Variants in PRKN observed in about 807,000 individuals in gnomAD.
PRKN encodes parkin RBR E3 ubiquitin protein ligase, also known as E3 ubiquitin-protein ligase parkin.
In PRKN, 56 loss-of-function variants were observed where a neutral mutation model predicts 59.5. The observed-to-expected ratio is 0.94, with a 90% CI of 0.76 to 1.18. The LOEUF (loss-of-function observed/expected upper bound fraction) is 1.18, where lower values mean the gene tolerates loss of function less well. Among genes scored for constraint, PRKN ranks in the 50% most tolerant of loss-of-function variants. The pLI is 0.00. For synonymous variants in PRKN, 250 were observed against 222.1 expected (o/e 1.13, Z -1.12); for missense variants, 657 against 596.4 (o/e 1.10, Z -1.06).
rs184792624 is a variant in PRKN, at chr6:161,388,872, C to T, written c.1084-1995G>A. On this transcript the variant is annotated intron_variant, in intron 9 of 11. Transcript: ENST00000366898. This position sits in a 1 kb window ranked among gnomAD's most constrained non-coding sequence, Gnocchi z 4.3. ...CAACTTGCCAGCTATGTGACTGGGT[C>T]ATATTCCAAGTAGACTGTTGTTATT... Among the ~76,000 whole-genome samples the T allele has an allele frequency of 3.3e-5, 5 of 152,326 alleles. No homozygotes were observed. The highest frequency in any genetic ancestry group is 1.2e-4 in the African/African-American group (5 of 41,574).
intron 2 of PRKN, among the ~76,000 whole-genome samples, chr6:162,345,503 T>A (rs924454482): frequency 6.6e-6 from 1 of 152,218 alleles, no homozygotes; most frequent in African/African-American, 2.4e-5. Context: ...GGAATATCTT[T>A]CCATTTACTG....
Position 162,339,356 on chromosome 6 carries a change from G to A in PRKN, c.172-76591C>T, listed in dbSNP as rs1331131422. 5.9e-3 allele frequency among the ~76,000 whole-genome samples: 824 copies of A among 139,878 alleles called. 13 individuals carry two copies. The highest frequency in any genetic ancestry group is 0.022 in the African/African-American group (786 of 36,478). 91.8% of individuals were successfully genotyped at this position (139,878 alleles called of 152,430 possible). A position where few individuals can be genotyped will look rare whatever the true frequency, so the allele number is the denominator to read the frequency against. ...GAGGGAGGTGGGGGGGTCAGCCCCC[G>A]CCCGGCCAGCCGCCCCGTCCGGGAG... On this transcript the variant is annotated intron_variant, in intron 2 of 11. Transcript: ENST00000366898.
intron 2 of PRKN, among the ~76,000 whole-genome samples, chr6:162,419,285 C>A (rs78162852): frequency 6.6e-6 from 1 of 151,974 alleles, no homozygotes; most frequent in African/African-American, 2.4e-5. Context: ...TCTTCCTCAA[C>A]AAAAGGCTGG....
chr6:161,765,408 T>C (rs1789382696), intron 7 of PRKN, among the ~76,000 whole-genome samples: 1 of 152,236 alleles, frequency 6.6e-6, no homozygotes, highest in Admixed American at 6.5e-5. Context: ...TGATTTATTT[T>C]TATTTTTGGA....
At chr6:161,661,811 T>C (rs145140440) in intron 7 of PRKN, among the ~76,000 whole-genome samples, 1,714 of 152,220 alleles carry the variant, frequency 0.011, 16 homozygotes, top group South Asian at 0.023. Context: ...TCACCTGAGG[T>C]CAGGAGTTTA....
chr6:162,235,882 A>C (rs1778637970), intron 3 of PRKN, among the ~76,000 whole-genome samples: 1 of 149,624 alleles, frequency 6.7e-6, no homozygotes, highest in South Asian at 2.1e-4. Context: ...AAAGAAAGAG[A>C]GAGAAAGAAA....
At chr6:162,380,284 T>G (rs1463592461) in intron 2 of PRKN, among the ~76,000 whole-genome samples, 1 of 151,676 alleles carries the variant, frequency 6.6e-6, no homozygotes, top group Non-Finnish European at 1.5e-5. Context: ...AGAAGAGATT[T>G]CTCAAAGGAA....
Position 162,703,451 on chromosome 6 carries a change from T to C in PRKN, c.7+24211A>G, listed in dbSNP as rs555456382. Among the ~76,000 whole-genome samples the C allele has an allele frequency of 6.6e-5, 10 of 152,336 alleles. No individual in the cohort carries two copies. In the South Asian group the frequency reaches 2.1e-3, roughly 32 times the overall value. ...TAAAACCAAAACAGATTGATATTTC[T>C]AAACACCTGGAATTGAGAAAACTGA... On this transcript the variant is annotated intron_variant, in intron 1 of 11. Coordinates refer to ENST00000366898, the MANE Select transcript of PRKN (RefSeq NM_004562.3).
chr6:162,269,852 T>TA (rs1050302510), intron 2 of PRKN, among the ~76,000 whole-genome samples: 6 of 152,092 alleles, frequency 3.9e-5, no homozygotes, highest in African/African-American at 1.2e-4. Flanking sequence ...GTGGCCATAA[T>TA]AAAAAAATCG....
intron 7 of PRKN, among the ~76,000 whole-genome samples, chr6:161,673,318 G>T (rs1326462062): frequency 6.6e-6 from 1 of 152,196 alleles, no homozygotes; most frequent in Non-Finnish European, 1.5e-5. Context: ...CCTCAGAGAA[G>T]ACCACTGATG....
intron 7 of PRKN, among the ~76,000 whole-genome samples, chr6:161,640,943 A>C (rs2128158385): frequency 6.6e-6 from 1 of 152,348 alleles, no homozygotes; most frequent in East Asian, 1.9e-4. Context: ...GCTCAGCAAG[A>C]AGGCTGGAAA....
intron 4 of PRKN, among the ~76,000 whole-genome samples, chr6:162,123,758 T>C (rs1217803026): frequency 2.0e-5 from 3 of 152,226 alleles, no homozygotes; most frequent in Non-Finnish European, 4.4e-5. Context: ...GTATATGTTC[T>C]GAAAAGATAT....
chr6:162,532,898 A>G (rs1256304537), intron 1 of PRKN, among the ~76,000 whole-genome samples: 1 of 152,236 alleles, frequency 6.6e-6, no homozygotes, highest in African/African-American at 2.4e-5. Context: ...CTGTTGCCAG[A>G]AGCAGGAACT....
At chr6:162,031,643 C>T (rs1413741018) in intron 5 of PRKN, among the ~76,000 whole-genome samples, 2 of 150,962 alleles carry the variant, frequency 1.3e-5, no homozygotes, top group Admixed American at 6.6e-5. Flanking sequence ...TCAAGCGATT[C>T]TTCTTGCCTC....
At chr6:161,509,879 CAAAAA>C (rs1175501223) in intron 9 of PRKN, among the ~76,000 whole-genome samples, 10 of 49,362 alleles carry the variant, frequency 2.0e-4, no homozygotes, top group South Asian at 1.0e-3. Flanking sequence ...GACTCCATCT[CAAAAA>C]AAAAAAAAAA....
chr6:162,062,342 T>C (rs1201405125), intron 4 of PRKN, among the ~76,000 whole-genome samples: 1 of 152,160 alleles, frequency 6.6e-6, no homozygotes, highest in Non-Finnish European at 1.5e-5. Flanking sequence ...ATTCCATGTA[T>C]ATGAAATGCA....
intron 1 of PRKN, among the ~76,000 whole-genome samples, chr6:162,556,401 G>GTGTGTGTGTGTCTGTC (rs776385523): frequency 7.6e-6 from 1 of 131,158 alleles, no homozygotes. Flanking sequence ...GTGTGTGTGT[G>GTGTGTGTGTGTCTGTC]TGTCAGTTTG....
chr6:161,872,731 C>G (rs533448435), intron 6 of PRKN, among the ~76,000 whole-genome samples: 71 of 152,186 alleles, frequency 4.7e-4, no homozygotes, highest in Non-Finnish European at 7.9e-4. Context: ...TGTCCTGGGA[C>G]TAGGACTGTA....
At chr6:161,479,840 T>G (rs2115234608) in intron 9 of PRKN, among the ~76,000 whole-genome samples, 1 of 152,320 alleles carries the variant, frequency 6.6e-6, no homozygotes, top group Middle Eastern at 3.4e-3. Context: ...GGTCTCCAAC[T>G]TCCCTAGCCT....
Sources: allele counts gnomAD v4.1 joint callset (sites outside exome capture counted in the v4.1 genomes callset), GRCh38; gene constraint gnomAD v4.1.1; non-coding constraint Gnocchi (gnomAD v3.1); transcripts MANE v1.5; gene names NCBI Gene and HGNC (gene_info 2026-07-23, HGNC 2026-07-21).